STIM1: variants seen among roughly 807,000 people sequenced by gnomAD.
STIM1 encodes stromal interaction molecule 1.
STIM1 carries 25 observed loss-of-function variants against 74.7 expected under a neutral mutation model. That is an observed-to-expected ratio of 0.33 (90% confidence interval 0.24 to 0.47). The LOEUF (loss-of-function observed/expected upper bound fraction) is 0.47. STIM1 is among the 20% of genes least tolerant of loss of function. STIM1 has a pLI of 1.00. For synonymous variants in STIM1, 328 were observed against 348.8 expected (o/e 0.94, Z 0.66); for missense variants, 728 against 920.8 (o/e 0.79, Z 2.71).
At chr11:3,855,622 C>T (rs2135164367), upstream of STIM1, 1 of 146,072 alleles carries the variant, frequency 6.8e-6, no homozygotes, top group Middle Eastern at 3.8e-3. Context: ...GACGCACGCC[C>T]CCGCCCGCCC....
intron 1 of STIM1, among the ~76,000 whole-genome samples, chr11:3,865,754 C>T (rs2090830771): frequency 6.6e-6 from 1 of 152,144 alleles, no homozygotes; most frequent in South Asian, 2.1e-4. Flanking sequence ...GATTTGGGGC[C>T]TCCACAGGCA....
At chr11:3,983,068 G>A (rs909875810) in intron 2 of STIM1, among the ~76,000 whole-genome samples, 2 of 152,036 alleles carry the variant, frequency 1.3e-5, no homozygotes, top group Non-Finnish European at 2.9e-5. Context: ...AGTAGCTGGG[G>A]CTACAGGCAT....
At chr11:3,867,011 T>A (rs1483711096) in intron 1 of STIM1, 2 of 152,234 alleles carry the variant, frequency 1.3e-5, no homozygotes, top group East Asian at 3.9e-4. Flanking sequence ...CCAGTAGATA[T>A]TTGTTGACCA....
intron 7 of STIM1, among the ~76,000 whole-genome samples, chr11:4,076,875 A>G (rs2094440570): frequency 6.6e-6 from 1 of 151,300 alleles, no homozygotes; most frequent in Admixed American, 6.6e-5. Context: ...GTTTAATTTC[A>G]CTAAGATCAG....
chr11:3,878,986 C>T (rs902789095), intron 1 of STIM1, among the ~76,000 whole-genome samples: 34 of 151,972 alleles, frequency 2.2e-4, no homozygotes, highest in Non-Finnish European at 4.6e-4. Flanking sequence ...GACGGAGTCT[C>T]GCCCTGTCAC....
chr11:3,895,939 C>T (rs1030568011), intron 1 of STIM1, among the ~76,000 whole-genome samples: 1 of 143,920 alleles, frequency 6.9e-6, no homozygotes, highest in Non-Finnish European at 1.5e-5. Flanking sequence ...GAGTCTTGCT[C>T]TGTTGCCCAG....
At chr11:4,054,745 A>G (rs537444081) in intron 3 of STIM1, among the ~76,000 whole-genome samples, 1 of 152,228 alleles carries the variant, frequency 6.6e-6, no homozygotes, top group Non-Finnish European at 1.5e-5. Context: ...CACACACATC[A>G]AATTTCACAT....
At chr11:4,002,228 C>A (rs1264508061) in intron 2 of STIM1, among the ~76,000 whole-genome samples, 2 of 151,234 alleles carry the variant, frequency 1.3e-5, no homozygotes, top group Non-Finnish European at 3.0e-5. Context: ...AGCTCTGCAC[C>A]AAGCGGACCT....
At chr11:3,975,738 A>C (rs1184364324) in intron 2 of STIM1, among the ~76,000 whole-genome samples, 2 of 152,248 alleles carry the variant, frequency 1.3e-5, no homozygotes, top group Non-Finnish European at 2.9e-5. Context: ...CTAATAAGCT[A>C]TGAAAAGATA....
chr11:3,967,800 A>T, intron 2 of STIM1, 118 bp downstream of exon 2: 2 of 1,454,724 alleles, frequency 1.4e-6, no homozygotes, highest in Non-Finnish European at 1.9e-6. Context: ...GTTCTTTAGG[A>T]ACTCATCCCT....
At chr11:4,036,868 C>CA (rs2094107561) in intron 3 of STIM1, among the ~76,000 whole-genome samples, 1 of 152,046 alleles carries the variant, frequency 6.6e-6, no homozygotes, top group African/African-American at 2.4e-5. Flanking sequence ...GCAACACAAG[C>CA]AAAAACTGAC....
At chr11:4,069,201 C>G (rs946920746) in intron 5 of STIM1, among the ~76,000 whole-genome samples, 31 of 152,148 alleles carry the variant, frequency 2.0e-4, no homozygotes, top group Non-Finnish European at 4.0e-4. Context: ...AAATGCCTCT[C>G]TCCTGATTGG....
At chr11:3,915,413 T>G (rs1022547649) in intron 1 of STIM1, among the ~76,000 whole-genome samples, 1 of 151,654 alleles carries the variant, frequency 6.6e-6, no homozygotes, top group African/African-American at 2.4e-5. Context: ...TTTTTTTTTT[T>G]TTGAGACGGA....
intron 1 of STIM1, among the ~76,000 whole-genome samples, chr11:3,878,628 A>G (rs929043459): frequency 5.3e-5 from 8 of 152,320 alleles, no homozygotes; most frequent in African/African-American, 1.9e-4. Flanking sequence ...CTTGATGTCC[A>G]TGTTGCTCTG....
chr11:4,070,643 C>T (rs758042318), intron 6 of STIM1, among the ~76,000 whole-genome samples: 2 of 152,190 alleles, frequency 1.3e-5, no homozygotes, highest in Non-Finnish European at 2.9e-5. Context: ...CTCATAAACA[C>T]TAACTTGCTA....
chr11:3,903,241 G>A (rs2092394070), intron 1 of STIM1, among the ~76,000 whole-genome samples: 1 of 152,160 alleles, frequency 6.6e-6, no homozygotes, highest in Non-Finnish European at 1.5e-5. Flanking sequence ...CAGGTAATAT[G>A]TTTTCAGTGT....
At chr11:3,973,283 A>G (rs1272423318) in intron 2 of STIM1, 4 of 478,800 alleles carry the variant, frequency 8.4e-6, no homozygotes, top group Non-Finnish European at 1.7e-5. Context: ...CACCTCCACG[A>G]CCATCACCAG....
intron 11 of STIM1, among the ~76,000 whole-genome samples, chr11:4,085,958 T>G (rs916879068): frequency 1.3e-4 from 20 of 152,248 alleles, no homozygotes; most frequent in African/African-American, 4.8e-4. Context: ...TCCCAGAAAC[T>G]GGATATGTTA....
At chr11:4,004,239 AAAG>A (rs1432325167) in intron 2 of STIM1, among the ~76,000 whole-genome samples, 1 of 152,168 alleles carries the variant, frequency 6.6e-6, no homozygotes, top group East Asian at 1.9e-4. Flanking sequence ...GGAAAAAACT[AAAG>A]TTCATATGGA....
Sources: gnomAD v4.1 joint callset for allele counts (sites outside exome capture counted in the v4.1 genomes callset) on GRCh38, gnomAD v4.1.1 for gene constraint, MANE v1.5 for transcripts, NCBI Gene and HGNC (gene_info 2026-07-23, HGNC 2026-07-21) for gene names.